The following GSG1L variants were observed in gnomAD, a reference collection of about 807,000 sequenced individuals.
GSG1L encodes the protein GSG1 like.
A neutral mutation model predicts 42.1 loss-of-function variants in GSG1L; 24 were observed. The observed-to-expected ratio is 0.57, with a 90% CI of 0.41 to 0.80. GSG1L has a LOEUF of 0.80. Among genes scored for constraint, GSG1L ranks in the 30% least tolerant of loss-of-function variants. The pLI, the probability that GSG1L is intolerant of heterozygous loss-of-function variation, is 0.00. For missense variants in GSG1L, 445 were observed against 472.2 expected (o/e 0.94, Z 0.53); for synonymous variants, 215 against 203.5 (o/e 1.06, Z -0.48).
chr16:28,056,874 T>C (rs1461578215), intron 1 of GSG1L, among the ~76,000 whole-genome samples: 2 of 151,944 alleles, frequency 1.3e-5, no homozygotes, highest in East Asian at 3.9e-4. Flanking sequence ...ACATCAGGGG[T>C]GCAGGGGAGT....
chr16:27,997,316 T>TTC (rs2141140387), intron 1 of GSG1L, among the ~76,000 whole-genome samples: 1 of 128,684 alleles, frequency 7.8e-6, no homozygotes, highest in Admixed American at 7.8e-5. Flanking sequence ...CCACTTTTTT[T>TTC]TTTTTTTTTT....
chr16:27,979,277 A>G (rs985246546), intron 1 of GSG1L, among the ~76,000 whole-genome samples: 5 of 151,990 alleles, frequency 3.3e-5, no homozygotes, highest in Non-Finnish European at 7.4e-5. Context: ...TTTAAAAAAG[A>G]AAAAAAGGTC....
chr16:27,979,726 G>GGAAGGAAGGGAGGAAA (rs1491436872), intron 1 of GSG1L, among the ~76,000 whole-genome samples: 1 of 53,584 alleles, frequency 1.9e-5, no homozygotes, highest in Admixed American at 2.4e-4. Context: ...AAGGAAGGAA[G>GGAAGGAAGGGAGGAAA]GAAAGAAAAA....
At chr16:27,930,694 G>A (rs1273592808) in intron 2 of GSG1L, among the ~76,000 whole-genome samples, 1 of 152,126 alleles carries the variant, frequency 6.6e-6, no homozygotes, top group Non-Finnish European at 1.5e-5. Context: ...CATATAGTAG[G>A]TCCTTAAAGG....
At chr16:27,960,472 CAG>C (rs2085057363) in intron 2 of GSG1L, among the ~76,000 whole-genome samples, 1 of 152,180 alleles carries the variant, frequency 6.6e-6, no homozygotes, top group African/African-American at 2.4e-5. Flanking sequence ...AGGGATGTCC[CAG>C]AGGGAGCCAG....
intron 2 of GSG1L, among the ~76,000 whole-genome samples, chr16:27,941,729 T>C (rs1429807075): frequency 6.6e-6 from 1 of 151,892 alleles, no homozygotes; most frequent in Admixed American, 6.6e-5. Flanking sequence ...AACAGACAAA[T>C]GGATAAACCA....
chr16:28,045,678 AAAT>A lies in GSG1L; in HGVS notation c.349+17395_349+17397del, dbSNP rs200523935. 4.8e-3 allele frequency among the ~76,000 whole-genome samples: 737 copies of A among 152,186 alleles called. 3 individuals are homozygous for A. Among genetic ancestry groups the A allele is most frequent in the African/African-American group, 0.014 (588 of 41,496 alleles). On this transcript the variant is annotated intron_variant, in intron 1 of 6. Transcript: ENST00000447459. ...AGCAACAAGAACGAAACTCCATCTCAAATAATAATAATACAATCAAGTCTTCCT... is the reference window on the plus strand; with the variant it reads ...AGCAACAAGAACGAAACTCCATCTCAAATAATAATACAATCAAGTCTTCCT...
intron 2 of GSG1L, among the ~76,000 whole-genome samples, chr16:27,930,317 C>T (rs1243304869): frequency 6.6e-6 from 1 of 152,188 alleles, no homozygotes; most frequent in Non-Finnish European, 1.5e-5. Context: ...TCCTGGGGGT[C>T]TTCACTGAAG....
chr16:27,888,766 C>T (rs927516411), intron 2 of GSG1L, among the ~76,000 whole-genome samples: 13 of 151,344 alleles, frequency 8.6e-5, no homozygotes, highest in African/African-American at 2.7e-4. Context: ...TGCAGGCACC[C>T]ACCACCATGC....
chr16:27,853,643 C>T (rs1440638204), intron 3 of GSG1L, among the ~76,000 whole-genome samples: 1 of 152,192 alleles, frequency 6.6e-6, no homozygotes, highest in Non-Finnish European at 1.5e-5. Flanking sequence ...TCATTAGCGT[C>T]ACTCTGGTTG....
intron 1 of GSG1L, among the ~76,000 whole-genome samples, chr16:28,008,246 A>AT (rs749752808): frequency 6.6e-6 from 1 of 151,924 alleles, no homozygotes; most frequent in East Asian, 1.9e-4. Flanking sequence ...CACACGGCTA[A>AT]TTTTTGTATT....
chr16:27,863,596 C>G (rs1228900334), intron 3 of GSG1L, among the ~76,000 whole-genome samples: 1 of 151,952 alleles, frequency 6.6e-6, no homozygotes, highest in Non-Finnish European at 1.5e-5. Flanking sequence ...TCTGCCAACT[C>G]CAGCACTTAC....
At chr16:27,996,981 C>T (rs924915856) in intron 1 of GSG1L, among the ~76,000 whole-genome samples, 2 of 152,068 alleles carry the variant, frequency 1.3e-5, no homozygotes, top group African/African-American at 2.4e-5. Flanking sequence ...AGGCTGGTCT[C>T]GAACTTCTGA....
rs142171787 is a variant in GSG1L at position 28,008,030 on chromosome 16, G to A, written c.350-44827C>T. On this transcript the variant is annotated intron_variant, in intron 1 of 6. Coordinates refer to ENST00000447459, the MANE Select transcript of GSG1L (RefSeq NM_001109763.2). The stretch of plus-strand genomic sequence containing the variant: ...CCGTTGTTCTTCTGTCCAGCCCATC[G>A]CCACTGGAGCACCCTGTAGGTAAGT... Among the ~76,000 whole-genome samples the A allele has an allele frequency of 2.8e-3, 425 of 152,216 alleles. 5 individuals carry two copies. Among genetic ancestry groups the A allele is most frequent in the African/African-American group, 9.9e-3 (410 of 41,540 alleles).
chr16:27,924,811 T>G (rs1411511083), intron 2 of GSG1L, among the ~76,000 whole-genome samples: 1 of 152,230 alleles, frequency 6.6e-6, no homozygotes, highest in Non-Finnish European at 1.5e-5. Flanking sequence ...ATGAGGATGA[T>G]AGATGATGAG....
chr16:27,807,972 C>A (rs769656047), intron 5 of GSG1L, among the ~76,000 whole-genome samples: 3 of 152,214 alleles, frequency 2.0e-5, no homozygotes, highest in East Asian at 3.8e-4. Flanking sequence ...AAAAAGTTAA[C>A]GGTGATTATC....
chr16:28,053,428 A>T (rs952538931), intron 1 of GSG1L, among the ~76,000 whole-genome samples: 1 of 152,152 alleles, frequency 6.6e-6, no homozygotes, highest in African/African-American at 2.4e-5. Flanking sequence ...CATCCTCCAA[A>T]CACTGCACCC....
In GSG1L at chr16:27,807,526, C is replaced by T. The variant is rs549480929; in HGVS notation, c.859G>A (p.Asp287Asn). The change falls in exon 6 of 7, where the codon GAC (aspartate) becomes AAC (asparagine). Residue 287 changes from aspartate to asparagine, a missense_variant. Physicochemically the swap from Asp to Asn is conservative, Grantham distance 23. Coordinates refer to ENST00000447459, the MANE Select transcript of GSG1L (RefSeq NM_001109763.2). ...RMEKRDGSEE[D>N]FHLDCRHERY... The stretch of plus-strand genomic sequence containing the variant: ...TCGTGGCGGCAGTCTAAGTGAAAGT[C>T]CTCCTCGCTCCCGTCCCTCTTCTCC... The T allele has an allele frequency of 8.7e-6, 14 of 1,612,842 alleles. No homozygotes were observed. In the South Asian group the frequency reaches 1.2e-4, roughly 14 times the overall value.
intron 5 of GSG1L, among the ~76,000 whole-genome samples, chr16:27,812,155 A>C (rs1279066773): frequency 6.6e-6 from 1 of 152,186 alleles, no homozygotes; most frequent in East Asian, 1.9e-4. Context: ...TCCACTCAAC[A>C]GCTGACATAT....
Sources: gnomAD v4.1 joint callset for allele counts (sites outside exome capture counted in the v4.1 genomes callset) on GRCh38, gnomAD v4.1.1 for gene constraint, MANE v1.5 for transcripts, NCBI Gene and HGNC (gene_info 2026-07-23, HGNC 2026-07-21) for gene names.